The following ALMS1 variants were observed in gnomAD, a reference collection of about 807,000 sequenced individuals.
The protein encoded by ALMS1 is ALMS1 centrosome and basal body associated protein, also known as centrosome-associated protein ALMS1.
In ALMS1, 271 loss-of-function variants were observed where a neutral mutation model predicts 352.2. That is an observed-to-expected ratio of 0.77 (90% CI 0.70 to 0.85). The LOEUF (loss-of-function observed/expected upper bound fraction) is 0.85. ALMS1 is among the 40% of genes least tolerant of loss of function. The pLI is 0.00. For missense variants in ALMS1, 5,445 were observed against 4,870.7 expected, an observed-to-expected ratio of 1.12 and a Z score of -3.51; for synonymous variants, 1,865 against 1,761.2, an observed-to-expected ratio of 1.06 and a Z score of -1.48.
rs183987072 is a variant in ALMS1 at position 73,468,973 on chromosome 2, A to T, written c.7674+13678A>T. Among the ~76,000 whole-genome samples, 372 of 151,200 alleles carry T rather than the reference A, an allele frequency of 2.5e-3. 6 individuals are homozygous for T. Among genetic ancestry groups the T allele is most frequent in the South Asian group, 1.3e-3 (6 of 4,780 alleles). ...TCACATTTGTAGGCTCCTAAAGGAA[A>T]CTCTCTTAGATTGCTTGTCAAAAAC... On this transcript the variant is annotated intron_variant, in intron 9 of 22. Transcript: ENST00000613296.
rs541180403 is a variant in ALMS1, at chr2:73,450,841, C to T, written c.4314C>T (p.Phe1438=). 1.4e-5 allele frequency: 22 copies of T among 1,614,130 alleles called. 1 individual carries two copies. The South Asian group carries it at 2.3e-4, about 17-fold the overall frequency. ...FYSHTEKPGS[F]YQQVLPHSHL... is the part of the protein sequence containing the mutation. Reference sequence around the variant, plus strand: ...CACACACAGAGAAGCCTGGTAGTTTCTACCAACAGGTCTTGCCACATAGTC... The same window carrying T: ...CACACACAGAGAAGCCTGGTAGTTTTTACCAACAGGTCTTGCCACATAGTC... Residue 1438 remains phenylalanine (F), a synonymous_variant, in exon 8 of 23, where the codon TTC becomes TTT. Transcript: ENST00000613296.
chr2:73,520,780 G>C (rs1384036020), intron 11 of ALMS1, among the ~76,000 whole-genome samples: 1 of 152,180 alleles, frequency 6.6e-6, no homozygotes, highest in East Asian at 1.9e-4. Flanking sequence ...TAGTTTCAGT[G>C]ATATTTTGAT....
chr2:73,410,128 C>T (rs1671047548), intron 2 of ALMS1, among the ~76,000 whole-genome samples: 1 of 152,080 alleles, frequency 6.6e-6, no homozygotes, highest in African/African-American at 2.4e-5. Flanking sequence ...GTGGCTAACG[C>T]CTGTAATCCC....
chr2:73,561,955 A>C (rs1674672251), intron 15 of ALMS1, among the ~76,000 whole-genome samples: 1 of 152,058 alleles, frequency 6.6e-6, no homozygotes, highest in Non-Finnish European at 1.5e-5. Flanking sequence ...ATGAAAAGGG[A>C]GATTTAGGGG....
At chr2:73,469,169 C>T (rs1447017568) in intron 9 of ALMS1, among the ~76,000 whole-genome samples, 2 of 151,602 alleles carry the variant, frequency 1.3e-5, no homozygotes, top group East Asian at 1.9e-4. Context: ...AGTATATGGA[C>T]CAATAACTCA....
In ALMS1 at chr2:73,491,143, G is replaced by T; in HGVS notation, c.9184G>T (p.Gly3062Ter). 1 of 1,614,086 alleles carries T rather than the reference G, an allele frequency of 6.2e-7. No individual in the cohort carries two copies. Among genetic ancestry groups the T allele is most frequent in the Non-Finnish European group, 8.5e-7 (1 of 1,180,016 alleles). Reference sequence around the variant, plus strand: ...CAAGACTTCTTCCAAGTTGGATAGTGGAACTTTAGATGAAAGATTCCATTC... The same window carrying T: ...CAAGACTTCTTCCAAGTTGGATAGTTGAACTTTAGATGAAAGATTCCATTC... Reference protein sequence around the residue: ...CPKTSSKLDSGTLDERFHSLD... With the variant: ...CPKTSSKLDS The change falls in exon 10 of 23, where the codon GGA (glycine) becomes TGA (stop). Residue 3062 changes from glycine (G) to a stop codon, truncating the protein, a stop_gained. Coordinates refer to ENST00000613296, the MANE Select transcript of ALMS1 (RefSeq NM_001378454.1). LOFTEE classifies it high-confidence loss of function.
chr2:73,502,374 T>G (rs561940530), intron 10 of ALMS1, among the ~76,000 whole-genome samples: 4 of 152,222 alleles, frequency 2.6e-5, no homozygotes, highest in Admixed American at 2.6e-4. Context: ...GTTTTACTCC[T>G]TCCTTTGCAG....
chr2:73,516,134 G>T (rs1673550870), intron 10 of ALMS1, among the ~76,000 whole-genome samples: 1 of 152,140 alleles, frequency 6.6e-6, no homozygotes, highest in Non-Finnish European at 1.5e-5. Flanking sequence ...AATGGGCAAA[G>T]GACATGAACA....
intron 15 of ALMS1, among the ~76,000 whole-genome samples, chr2:73,565,615 G>T (rs1023017082): frequency 8.5e-5 from 13 of 152,140 alleles, no homozygotes; most frequent in Non-Finnish European, 1.9e-4. Context: ...GGGGGAAAAA[G>T]AATAACTATA....
chr2:73,545,184 T>G (rs1409467157), intron 12 of ALMS1, among the ~76,000 whole-genome samples: 75 of 151,032 alleles, frequency 5.0e-4, no homozygotes, highest in African/African-American at 1.7e-3. Context: ...TTTTGTGGTT[T>G]TTTTTTTTTT....
chr2:73,598,223 GTA>G (rs1413968426), intron 16 of ALMS1, among the ~76,000 whole-genome samples: 2 of 152,076 alleles, frequency 1.3e-5, no homozygotes, highest in African/African-American at 4.8e-5. Context: ...TCAAATCTAG[GTA>G]TGGTATGCTA....
rs1025180297 is a variant in ALMS1 at position 73,537,260 on chromosome 2, G to A, written c.9907+2311G>A. On this transcript the variant is annotated intron_variant, in intron 12 of 22. Transcript: ENST00000613296. Reference sequence around the variant, plus strand: ...TGGAAAGCTTAAAAGTAACACCCGAGGATAAGATGTTGATAGATTCTTTGA... The same window carrying A: ...TGGAAAGCTTAAAAGTAACACCCGAAGATAAGATGTTGATAGATTCTTTGA... 3.3e-5 allele frequency among the ~76,000 whole-genome samples: 5 copies of A among 152,188 alleles called. No individual in the cohort carries two copies. The South Asian group carries it at 8.3e-4, about 25-fold the overall frequency.
rs1269324901 is a variant in ALMS1 at position 73,592,790 on chromosome 2, A to G, written c.11548-6611A>G. Among the ~76,000 whole-genome samples the G allele has an allele frequency of 2.6e-5, 4 of 152,230 alleles. No individual in the cohort carries two copies. The South Asian group carries it at 6.2e-4, about 24-fold the overall frequency. ...TAGGTCTGTCTCATGTCTTTAATAAATACGGGAATGAGTCTCATTTAGTTC... is the reference window on the plus strand; with the variant it reads ...TAGGTCTGTCTCATGTCTTTAATAAGTACGGGAATGAGTCTCATTTAGTTC... On this transcript the variant is annotated intron_variant, in intron 16 of 22. Coordinates refer to ENST00000613296, the MANE Select transcript of ALMS1 (RefSeq NM_001378454.1).
At chr2:73,495,295 C>T (rs1004515319) in intron 10 of ALMS1, among the ~76,000 whole-genome samples, 21 of 152,108 alleles carry the variant, frequency 1.4e-4, no homozygotes, top group African/African-American at 3.9e-4. Flanking sequence ...AGTGCAGTGG[C>T]GTGATCTTGG....
chr2:73,541,634 G>A (rs977926110), intron 12 of ALMS1, among the ~76,000 whole-genome samples: 11 of 152,194 alleles, frequency 7.2e-5, no homozygotes, highest in Admixed American at 7.2e-4. Flanking sequence ...GACTAATAAA[G>A]AAGAAAAGAG....
intron 16 of ALMS1, among the ~76,000 whole-genome samples, chr2:73,581,027 A>G (rs1190697187): frequency 6.6e-6 from 1 of 152,220 alleles, no homozygotes; most frequent in Non-Finnish European, 1.5e-5. Flanking sequence ...AAGGTCAACC[A>G]GTGGTGAAAG....
chr2:73,479,492 T>C (rs1362881318), intron 9 of ALMS1, among the ~76,000 whole-genome samples: 2 of 152,216 alleles, frequency 1.3e-5, no homozygotes, highest in African/African-American at 4.8e-5. Context: ...CCTTATTGTA[T>C]TGGCCTTTTT....
At chr2:73,481,050 T>C (rs1184850418) in intron 9 of ALMS1, among the ~76,000 whole-genome samples, 24 of 151,806 alleles carry the variant, frequency 1.6e-4, no homozygotes, top group Admixed American at 1.6e-3. Context: ...GATGGTAGTT[T>C]CTTTTGCTGT....
intron 13 of ALMS1, among the ~76,000 whole-genome samples, chr2:73,551,499 C>T (rs991321481): frequency 5.1e-5 from 7 of 137,468 alleles, no homozygotes; most frequent in African/African-American, 2.0e-4. Context: ...TGCGATGGCG[C>T]GATCTTGGCA....
Sources: gnomAD v4.1 joint callset for allele counts (sites outside exome capture counted in the v4.1 genomes callset) on GRCh38, gnomAD v4.1.1 for gene constraint, MANE v1.5 for transcripts, NCBI Gene and HGNC (gene_info 2026-07-23, HGNC 2026-07-21) for gene names.